SNRPD2: variants seen among roughly 807,000 people sequenced by gnomAD.
The protein encoded by SNRPD2 is small nuclear ribonucleoprotein Sm D2.
SNRPD2 carries 1 observed loss-of-function variant against 11.5 expected under a neutral mutation model. That is an observed-to-expected ratio of 0.09 (90% CI 0.03 to 0.41). The LOEUF (loss-of-function observed/expected upper bound fraction) is 0.41, where lower values mean the gene tolerates loss of function less well. Ranked by LOEUF, SNRPD2 falls within the 10% of genes least tolerant of loss-of-function variation. The pLI, the probability that SNRPD2 is intolerant of heterozygous loss-of-function variation, is 0.98. For synonymous variants in SNRPD2, 63 were observed against 61.5 expected, an observed-to-expected ratio of 1.02 and a Z score of -0.12; for missense variants, 77 against 154.9, an observed-to-expected ratio of 0.50 and a Z score of 2.67.
Position 45,688,836 on chromosome 19 carries a change from G to A in SNRPD2, c.3-270C>T, listed in dbSNP as rs565455868. Among the ~76,000 whole-genome samples the A allele has an allele frequency of 3.3e-5, 5 of 151,930 alleles. No individual in the cohort carries two copies. The East Asian group carries it at 9.7e-4, about 29-fold the overall frequency. Reference sequence around the variant, plus strand: ...CAACCTCTGCCTCCTGGGTTCAAGCGATTCTCCTGCCTCAGCCTCCTGAGG... The same window carrying A: ...CAACCTCTGCCTCCTGGGTTCAAGCAATTCTCCTGCCTCAGCCTCCTGAGG... On this transcript the variant is annotated intron_variant, in intron 1 of 2. Transcript: ENST00000342669. This position sits in a 1 kb window ranked among gnomAD's most constrained non-coding sequence, Gnocchi z 4.1.
rs770447357 is a variant in SNRPD2, at chr19:45,688,736, A to ATT, written c.3-172_3-171dup. Among the ~76,000 whole-genome samples, 3 of 142,442 alleles carry ATT rather than the reference A, an allele frequency of 2.1e-5. No individual in the cohort carries two copies. Among genetic ancestry groups the ATT allele is most frequent in the Non-Finnish European group, 3.1e-5 (2 of 64,834 alleles). 93.4% of individuals were successfully genotyped at this position (142,442 alleles called of 152,430 possible). A position where few individuals can be genotyped will look rare whatever the true frequency, so the allele number is the denominator to read the frequency against. On this transcript the variant is annotated intron_variant, in intron 1 of 2. Coordinates refer to ENST00000342669, the MANE Select transcript of SNRPD2 (RefSeq NM_001384647.1). This position sits in a 1 kb window ranked among gnomAD's most constrained non-coding sequence, Gnocchi z 4.1. ...ATCATCAGCTAGATGCCTAACAGACATTTTTTTTTTTTTTGAGACGGAGTC... is the reference window on the plus strand; with the variant it reads ...ATCATCAGCTAGATGCCTAACAGACATTTTTTTTTTTTTTTTGAGACGGAGTC...
At chr19:45,691,690 G>A in intron 1 of SNRPD2, 197 bp downstream of exon 1, 1 of 713,192 alleles carries the variant, frequency 1.4e-6, no homozygotes, top group South Asian at 1.6e-5. Flanking sequence ...ATCTGATAAA[G>A]CTGTCCCCTC....
intron 1 of SNRPD2, among the ~76,000 whole-genome samples, chr19:45,689,996 C>T (rs1353019579): frequency 6.6e-6 from 1 of 150,838 alleles, no homozygotes; most frequent in African/African-American, 2.4e-5. Flanking sequence ...AAGATTGCGC[C>T]ACTGCACTCC....
rs1230216265 is a variant in SNRPD2 at position 45,688,419 on chromosome 19, C to G, written c.150G>C (p.Lys50Asn). Residue 50 changes from lysine to asparagine, a missense_variant, in exon 2 of 3, where the codon AAG becomes AAC. Physicochemically the swap from Lys to Asn is moderately conservative, Grantham distance 94. Coordinates refer to ENST00000342669, the MANE Select transcript of SNRPD2 (RefSeq NM_001384647.1). This position sits in a 1 kb window ranked among gnomAD's most constrained non-coding sequence, Gnocchi z 4.1. ...AGGCCTTCACGCGGCCCAGGAGTTTCTTATTGTTGCGGCAGTTGATGAGCA... is the reference window on the plus strand; with the variant it reads ...AGGCCTTCACGCGGCCCAGGAGTTTGTTATTGTTGCGGCAGTTGATGAGCA... ...TQVLINCRNN[K>N]KLLGRVKAFD... 26 of 1,614,088 alleles carry G rather than the reference C, an allele frequency of 1.6e-5. No homozygotes were observed. Among genetic ancestry groups the G allele is most frequent in the African/African-American group, 4.0e-5 (3 of 74,938 alleles).
intron 1 of SNRPD2, among the ~76,000 whole-genome samples, chr19:45,689,675 G>T (rs554843264): frequency 6.2e-4 from 95 of 152,288 alleles, no homozygotes; most frequent in African/African-American, 2.2e-3. Flanking sequence ...TCATGCCACT[G>T]CACTCCAGCC....
At chr19:45,689,024 T>G (rs1469227335) in intron 1 of SNRPD2, among the ~76,000 whole-genome samples, 3 of 152,130 alleles carry the variant, frequency 2.0e-5, no homozygotes, top group Non-Finnish European at 4.4e-5. Flanking sequence ...TGAGCCACCG[T>G]GCCCAGCCAG....
chr19:45,691,942 G>A lies in SNRPD2; in HGVS notation c.-54C>T. On this transcript the variant is annotated 5_prime_UTR_variant, in exon 1 of 3. Coordinates refer to ENST00000342669, the MANE Select transcript of SNRPD2 (RefSeq NM_001384647.1). ...CGTTTCCTCCGCGTTGCTGCTGCCTGAGGAGAGAGAGGCGGGACTTCCTCT... is the reference window on the plus strand; with the variant it reads ...CGTTTCCTCCGCGTTGCTGCTGCCTAAGGAGAGAGAGGCGGGACTTCCTCT... 2 of 1,613,912 alleles carry A rather than the reference G, an allele frequency of 1.2e-6. No homozygotes were observed. Among genetic ancestry groups the A allele is most frequent in the Non-Finnish European group, 1.7e-6 (2 of 1,179,874 alleles).
chr19:45,692,007 C>T, upstream of SNRPD2: 6 of 1,609,000 alleles, frequency 3.7e-6, no homozygotes, highest in South Asian at 1.1e-5. Flanking sequence ...GCAAAGCCAA[C>T]CAGTAAGTGG....
rs563124881 is a variant in SNRPD2, at chr19:45,689,224, G to A, written c.3-658C>T. The A allele has an allele frequency of 1.8e-4, 95 of 520,114 alleles. 2 individuals carry two copies. The highest frequency in any genetic ancestry group is 1.2e-3 in the South Asian group (86 of 71,600). 32.2% of individuals were successfully genotyped at this position (520,114 alleles called of 1,614,324 possible). On this transcript the variant is annotated intron_variant, in intron 1 of 2. Coordinates refer to ENST00000342669, the MANE Select transcript of SNRPD2 (RefSeq NM_001384647.1). ...TACATGAAATCTGTAGGAAATGGCCGTTTCTTACCATGGCCTAAGCCTCTG... is the reference window on the plus strand; with the variant it reads ...TACATGAAATCTGTAGGAAATGGCCATTTCTTACCATGGCCTAAGCCTCTG...
At chr19:45,691,795 C>CA in intron 1 of SNRPD2, 92 bp downstream of exon 1, 2 of 1,489,326 alleles carry the variant, frequency 1.3e-6, no homozygotes, top group Non-Finnish European at 1.9e-6. Context: ...CTGCCCCTGC[C>CA]CCCCCCGCTC....
intron 1 of SNRPD2, 24 bp downstream of exon 1, chr19:45,691,863 C>T (rs1600334016): frequency 6.2e-7 from 1 of 1,614,142 alleles, no homozygotes; most frequent in Non-Finnish European, 8.5e-7. Context: ...TCATTCCCGC[C>T]GCCTAAGCCT....
chr19:45,689,504 C>A (rs528215949), intron 1 of SNRPD2, among the ~76,000 whole-genome samples: 43 of 151,962 alleles, frequency 2.8e-4, no homozygotes, highest in African/African-American at 8.9e-4. Context: ...CCCATTTCTA[C>A]TAAAAATACA....
At chr19:45,690,469 A>C (rs576161873) in intron 1 of SNRPD2, 1 of 151,022 alleles carries the variant, frequency 6.6e-6, no homozygotes, top group African/African-American at 2.4e-5. Flanking sequence ...TGGGTGACAG[A>C]GCGAGACTCC....
chr19:45,687,651 A>T lies in SNRPD2; in HGVS notation c.259T>A (p.Ser87Thr). ...VPKSGKGKKK[S>T]KPVNKDRYIS... ...TAGCGGTCTTTGTTGACTGGCTTGG[A>T]CTTCTTCTTGCCCTTGCCACTCTTG... The change falls in exon 3 of 3, where the codon TCC (serine) becomes ACC (threonine). Residue 87 changes from serine to threonine, a missense_variant. Transcript: ENST00000342669. This position sits in a 1 kb window ranked among gnomAD's most constrained non-coding sequence, Gnocchi z 4.1. 1 of 1,613,824 alleles carries T rather than the reference A, an allele frequency of 6.2e-7. No individual in the cohort carries two copies. The highest frequency in any genetic ancestry group is 1.1e-5 in the South Asian group (1 of 91,078).
rs117893389 is a variant in SNRPD2, at chr19:45,688,755, C to T, written c.3-189G>A. Among the ~76,000 whole-genome samples the T allele has an allele frequency of 0.02, 2,990 of 150,578 alleles. 37 individuals are homozygous for T. Among genetic ancestry groups the T allele is most frequent in the Middle Eastern group, 0.038 (11 of 292 alleles). ...ACAGACATTTTTTTTTTTTTTGAGA[C>T]GGAGTCTTGATCTGTTGCCCAGGCT... is the stretch of plus-strand genomic sequence containing the variant. On this transcript the variant is annotated intron_variant, in intron 1 of 2. Coordinates refer to ENST00000342669, the MANE Select transcript of SNRPD2 (RefSeq NM_001384647.1). This position sits in a 1 kb window ranked among gnomAD's most constrained non-coding sequence, Gnocchi z 4.1.
At position 45,688,318 on chromosome 19, in the gene SNRPD2, C is replaced by T; in HGVS notation, c.182+69G>A. On this transcript the variant is annotated intron_variant, in intron 2 of 2. Transcript: ENST00000342669. The surrounding 1 kb of genome is among the most constrained non-coding windows in gnomAD (Gnocchi z 4.1). ...GGCTTCTGAGACAGCTGTCTTTGAGCTCTTCAGACTGGAGCTGGAGTGGCC... is the reference window on the plus strand; with the variant it reads ...GGCTTCTGAGACAGCTGTCTTTGAGTTCTTCAGACTGGAGCTGGAGTGGCC... 7.3e-7 allele frequency: 1 copy of T among 1,361,900 alleles called. No individual in the cohort carries two copies. The highest frequency in any genetic ancestry group is 1.0e-6 in the Non-Finnish European group (1 of 967,906). The allele number at this position is 1,361,900 out of a possible 1,614,324, so 84.4% of individuals were successfully genotyped here.
In SNRPD2 at chr19:45,688,280, G is replaced by C; in HGVS notation, c.182+107C>G. 1 of 961,356 alleles carries C rather than the reference G, an allele frequency of 1.0e-6. No individual in the cohort carries two copies. Among genetic ancestry groups the C allele is most frequent in the East Asian group, 2.5e-5 (1 of 40,686 alleles). 59.6% of individuals were successfully genotyped at this position (961,356 alleles called of 1,614,324 possible). A position where few individuals can be genotyped will look rare whatever the true frequency, so the allele number is the denominator to read the frequency against. ...TTACAGGCATGAGCCACCACGCCTG[G>C]CCATACACCCCAGGCTTCTGAGACA... On this transcript the variant is annotated intron_variant, in intron 2 of 2. Transcript: ENST00000342669. This position sits in a 1 kb window ranked among gnomAD's most constrained non-coding sequence, Gnocchi z 4.1.
Position 45,688,602 on chromosome 19 carries a change from G to C in SNRPD2, c.3-36C>G. 6.4e-7 allele frequency: 1 copy of C among 1,570,888 alleles called. No individual in the cohort carries two copies. Among genetic ancestry groups the C allele is most frequent in the Non-Finnish European group, 8.8e-7 (1 of 1,141,102 alleles). The stretch of plus-strand genomic sequence containing the variant: ...AAACATGGAACCAATAAGTGAGAGA[G>C]GCTGGAGTTGAGAGGCTGGAGCTGT... On this transcript the variant is annotated intron_variant, in intron 1 of 2. Coordinates refer to ENST00000342669, the MANE Select transcript of SNRPD2 (RefSeq NM_001384647.1). The surrounding 1 kb of genome is among the most constrained non-coding windows in gnomAD (Gnocchi z 4.1).
intron 1 of SNRPD2, 94 bp downstream of exon 1, chr19:45,691,793 G>GT: frequency 5.6e-6 from 8 of 1,423,696 alleles, no homozygotes; most frequent in Admixed American, 5.1e-5. Context: ...ATCTGCCCCT[G>GT]CCCCCCCCGC....
Sources: allele counts gnomAD v4.1 joint callset (sites outside exome capture counted in the v4.1 genomes callset), GRCh38; gene constraint gnomAD v4.1.1; non-coding constraint Gnocchi (gnomAD v3.1); transcripts MANE v1.5; gene names NCBI Gene and HGNC (gene_info 2026-07-23, HGNC 2026-07-21).